PLEKHG4: variants seen among roughly 807,000 people sequenced by gnomAD.
The protein encoded by PLEKHG4 is pleckstrin homology and RhoGEF domain containing G4.
In PLEKHG4, 85 loss-of-function variants were observed where a neutral mutation model predicts 136.9. The ratio of observed to expected loss-of-function variants is 0.62; its 90% CI spans 0.52 to 0.74. The LOEUF (loss-of-function observed/expected upper bound fraction) is 0.74, where lower values mean the gene tolerates loss of function less well. Among genes scored for constraint, PLEKHG4 ranks in the 30% least tolerant of loss-of-function variants. PLEKHG4 has a pLI of 0.00. For synonymous variants in PLEKHG4, 577 were observed against 646.9 expected, an observed-to-expected ratio of 0.89 and a Z score of 1.64; for missense variants, 1,317 against 1,527.8, an observed-to-expected ratio of 0.86 and a Z score of 2.30.
At chr16:67,282,154 C>T in intron 8 of PLEKHG4, 47 bp downstream of exon 8, 3 of 1,613,518 alleles carry the variant, frequency 1.9e-6, no homozygotes, top group Non-Finnish European at 2.5e-6. Flanking sequence ...CTGTCTCCCT[C>T]CTTCTCTCCC....
At chr16:67,279,732 T>C (rs2036123019) in intron 1 of PLEKHG4, 106 bp downstream of exon 1, 1 of 290,678 alleles carries the variant, frequency 3.4e-6, no homozygotes, top group South Asian at 5.6e-5. Flanking sequence ...CGTGGTGCCA[T>C]GGCGGGGCCG....
intron 14 of PLEKHG4, 101 bp downstream of exon 14, chr16:67,285,637 T>C: frequency 7.2e-7 from 1 of 1,396,258 alleles, no homozygotes; most frequent in Non-Finnish European, 1.0e-6. Flanking sequence ...TGAGTATAGC[T>C]ATGAGCAAGA....
rs1420855213 is a variant in PLEKHG4 at position 67,282,116 on chromosome 16, C to T, written c.1104+9C>T. 5.0e-6 allele frequency: 8 copies of T among 1,612,966 alleles called. No homozygotes were observed. The East Asian group carries it at 1.6e-4, about 31-fold the overall frequency. The stretch of plus-strand genomic sequence containing the variant: ...AGCCCATGGAGCCTGGGGTGAGTGT[C>T]CCCTCCCAGTCCCTCCATGAATGCT... On this transcript the variant is annotated intron_variant, in intron 8 of 21. Coordinates refer to ENST00000379344, the MANE Select transcript of PLEKHG4 (RefSeq NM_001129729.3).
Position 67,286,887 on chromosome 16 carries a change from G to A in PLEKHG4, c.2893G>A (p.Val965Ile), listed in dbSNP as rs1037047409. Reference sequence around the variant, plus strand: ...CAAGCCTCGCCATGGGCCCACAGGGGTTGACACATTTGCCTACAAGCGCTC... The same window carrying A: ...CAAGCCTCGCCATGGGCCCACAGGGATTGACACATTTGCCTACAAGCGCTC... The part of the protein sequence containing the change: ...FSKPRHGPTG[V>I]DTFAYKRSFK... Residue 965 changes from valine (V) to isoleucine (I), a missense_variant, in exon 17 of 22, where the codon GTT becomes ATT. Transcript: ENST00000379344. 4 of 1,613,912 alleles carry A rather than the reference G, an allele frequency of 2.5e-6. No individual in the cohort carries two copies. The African/African-American group carries it at 4.0e-5, about 16-fold the overall frequency.
At position 67,289,083 on chromosome 16, in the gene PLEKHG4, G is replaced by T; in HGVS notation, c.*275G>T. The stretch of plus-strand genomic sequence containing the variant: ...CATCCCAGTTGTGGGTTAAGAATAG[G>T]CTAGAGCAGACATTGGGTGTTTCCA... On this transcript the variant is annotated 3_prime_UTR_variant, in exon 22 of 22. Transcript: ENST00000379344. 1.7e-6 allele frequency: 1 copy of T among 581,960 alleles called. No individual in the cohort carries two copies. The highest frequency in any genetic ancestry group is 3.1e-6 in the Non-Finnish European group (1 of 322,260). The allele number at this position is 581,960 out of a possible 1,614,324, so 36.0% of individuals were successfully genotyped here.
chr16:67,288,399 G>A lies in PLEKHG4; in HGVS notation c.3453G>A (p.Leu1151=), dbSNP rs553521262. The change falls in exon 20 of 22, where the codon TTG becomes TTA. Residue 1151 remains leucine, a splice_region_variant and synonymous_variant. Transcript: ENST00000379344. ...CAGAGCTGGGCGGCCAGCCCTCTTT[G>A]AGTATGTCTGGGCCTAGCCAGAGGC... ...AEAELGGQPS[L]TAEDSEISSQ... 1.9e-5 allele frequency: 31 copies of A among 1,612,256 alleles called. No homozygotes were observed. The Admixed American group carries it at 5.0e-4, about 26-fold the overall frequency.
At chr16:67,288,627 C>T in intron 21 of PLEKHG4, 23 bp downstream of exon 21, 1 of 1,613,318 alleles carries the variant, frequency 6.2e-7, no homozygotes, top group Non-Finnish European at 8.5e-7. Context: ...TGCCCTATAC[C>T]CACCAGCCCT....
At position 67,282,352 on chromosome 16, in the gene PLEKHG4, G is replaced by T. The variant is rs371405904; in HGVS notation, c.1253+3G>T. ...GTGACCCTGAGCCCAGACTACAGGT[G>T]AGTGCAAGCCCGGCCCCCAGATCTT... On this transcript the variant is annotated splice_donor_region_variant and intron_variant, in intron 9 of 21. Coordinates refer to ENST00000379344, the MANE Select transcript of PLEKHG4 (RefSeq NM_001129729.3). 1.2e-5 allele frequency: 19 copies of T among 1,611,942 alleles called. No homozygotes were observed. Among genetic ancestry groups the T allele is most frequent in the Non-Finnish European group, 1.5e-5 (18 of 1,179,494 alleles).
Position 67,280,694 on chromosome 16 carries a change from T to A in PLEKHG4, c.500-17T>A. On this transcript the variant is annotated splice_polypyrimidine_tract_variant and intron_variant, in intron 2 of 21. Coordinates refer to ENST00000379344, the MANE Select transcript of PLEKHG4 (RefSeq NM_001129729.3). The surrounding 1 kb of genome is among the most constrained non-coding windows in gnomAD (Gnocchi z 4.4). Reference sequence around the variant, plus strand: ...ATAGGTGGTCCAAGGCAGACCCAAGTCATTTCCCTTCCCAAGCCCCCAGTG... The same window carrying A: ...ATAGGTGGTCCAAGGCAGACCCAAGACATTTCCCTTCCCAAGCCCCCAGTG... 6.2e-7 allele frequency: 1 copy of A among 1,613,990 alleles called. No individual in the cohort carries two copies. The highest frequency in any genetic ancestry group is 8.5e-7 in the Non-Finnish European group (1 of 1,179,994).
In PLEKHG4 at chr16:67,289,001, G is replaced by C. The variant is rs1484499065; in HGVS notation, c.*193G>C. 5.7e-6 allele frequency: 4 copies of C among 698,232 alleles called. No homozygotes were observed. In the East Asian group the frequency reaches 8.1e-5, roughly 14 times the overall value. The allele number at this position is 698,232 out of a possible 1,614,324, so 43.3% of individuals were successfully genotyped here. ...CACGGGGCCTCTCTAGGGAAGTCTG[G>C]TTGTAGAGCCTGAATAGGCTCCTGG... On this transcript the variant is annotated 3_prime_UTR_variant, in exon 22 of 22. Coordinates refer to ENST00000379344, the MANE Select transcript of PLEKHG4 (RefSeq NM_001129729.3).
In PLEKHG4 at chr16:67,284,529, C is replaced by A; in HGVS notation, c.1692+72C>A. 6.4e-7 allele frequency: 1 copy of A among 1,552,628 alleles called. No individual in the cohort carries two copies. Among genetic ancestry groups the A allele is most frequent in the Non-Finnish European group, 8.9e-7 (1 of 1,128,650 alleles). ...GATGGCAGCCCCAGCTTCAGCAGAG[C>A]CTGAGCTTTTCTTGGTCATGCTGCC... On this transcript the variant is annotated intron_variant, in intron 12 of 21. Transcript: ENST00000379344. The surrounding 1 kb of genome is among the most constrained non-coding windows in gnomAD (Gnocchi z 4.4).
intron 14 of PLEKHG4, 62 bp from the exon 15 acceptor site, chr16:67,286,212 G>T (rs745554997): frequency 2.4e-6 from 3 of 1,237,584 alleles, no homozygotes; most frequent in Non-Finnish European, 3.6e-6. Flanking sequence ...GGGTGGTCTA[G>T]CCTGTGCCAG....
rs8045791 is a variant in PLEKHG4 at position 67,286,115 on chromosome 16, A to T, written c.2443-159A>T. On this transcript the variant is annotated intron_variant, in intron 14 of 21. Coordinates refer to ENST00000379344, the MANE Select transcript of PLEKHG4 (RefSeq NM_001129729.3). ...TGCCCAGTACTGTTCTTGCCAAATC[A>T]CCCCTTGTTCAAAGCAGGGAAGACT... Among the ~76,000 whole-genome samples, 4,671 of 151,996 alleles carry T rather than the reference A, an allele frequency of 0.031. 233 individuals are homozygous for T. Among genetic ancestry groups the T allele is most frequent in the African/African-American group, 0.1 (4,327 of 41,458 alleles).
intron 18 of PLEKHG4, 120 bp downstream of exon 18, chr16:67,287,297 C>T (rs2036522412): frequency 1.0e-6 from 1 of 1,004,966 alleles, no homozygotes; most frequent in Non-Finnish European, 1.5e-6. Context: ...GCGACAGCCA[C>T]CAGTGCAGGA....
At chr16:67,281,911 G>A in intron 7 of PLEKHG4, 74 bp downstream of exon 7, 2 of 1,543,148 alleles carry the variant, frequency 1.3e-6, no homozygotes, top group South Asian at 2.2e-5. Context: ...CTCTGGGGCT[G>A]GCTTGAACCA....
chr16:67,286,375 T>C lies in PLEKHG4; in HGVS notation c.2532+12T>C. 5 of 1,611,932 alleles carry C rather than the reference T, an allele frequency of 3.1e-6. No homozygotes were observed. The highest frequency in any genetic ancestry group is 1.7e-4 in the Middle Eastern group (1 of 6,058). Reference sequence around the variant, plus strand: ...ACACCTTCTTCAAGGTAAGTGAACCTGAGATTAGGAGGAGTAGGGGATGCG... The same window carrying C: ...ACACCTTCTTCAAGGTAAGTGAACCCGAGATTAGGAGGAGTAGGGGATGCG... On this transcript the variant is annotated intron_variant, in intron 15 of 21. Coordinates refer to ENST00000379344, the MANE Select transcript of PLEKHG4 (RefSeq NM_001129729.3).
Position 67,284,408 on chromosome 16 carries a change from G to A in PLEKHG4, c.1643G>A (p.Arg548Gln), listed in dbSNP as rs770518109. Residue 548 changes from arginine to glutamine, a missense_variant, in exon 12 of 22, where the codon CGG becomes CAG. Coordinates refer to ENST00000379344, the MANE Select transcript of PLEKHG4 (RefSeq NM_001129729.3). This position sits in a 1 kb window ranked among gnomAD's most constrained non-coding sequence, Gnocchi z 4.4. ...GAATTCTCTAGGGCTTTGGCCCAGC[G>A]GTGCCAGCGGCTGGCGGATGCTGAG... The part of the protein sequence containing the change: ...LTEFSRALAQ[R>Q]CQRLADAERL... The A allele has an allele frequency of 2.9e-5, 46 of 1,613,958 alleles. No individual in the cohort carries two copies. In the South Asian group the frequency reaches 4.2e-4, roughly 15 times the overall value.
chr16:67,287,885 A>G lies in PLEKHG4; in HGVS notation c.3104-13A>G. 6.4e-7 allele frequency: 1 copy of G among 1,572,918 alleles called. No homozygotes were observed. Among genetic ancestry groups the G allele is most frequent in the Non-Finnish European group, 8.8e-7 (1 of 1,142,494 alleles). ...GTCCAGAAGCATCCCACTTATGTCC[A>G]CTCTCCACCCAGAGGTGCGCATGGC... On this transcript the variant is annotated splice_polypyrimidine_tract_variant and intron_variant, in intron 18 of 21. Coordinates refer to ENST00000379344, the MANE Select transcript of PLEKHG4 (RefSeq NM_001129729.3).
rs201698465 is a variant in PLEKHG4 at position 67,284,848 on chromosome 16, T to C, written c.1828T>C (p.Trp610Arg). The C allele has an allele frequency of 2.2e-5, 35 of 1,613,188 alleles. No individual in the cohort carries two copies. The East Asian group carries it at 7.8e-4, about 36-fold the overall frequency. The stretch of plus-strand genomic sequence containing the variant: ...GCCTCCTGCCCACTTCCGAAAGATG[T>C]GGGCTCTGGCCACGGGGCTGGGCTC... ...DLPPAHFRKM[W>R]ALATGLGSEA... Residue 610 changes from tryptophan to arginine, a missense_variant, in exon 13 of 22, where the codon TGG (tryptophan) becomes CGG (arginine). Transcript: ENST00000379344. The surrounding 1 kb of genome is among the most constrained non-coding windows in gnomAD (Gnocchi z 4.4).
Sources: gnomAD v4.1 joint callset for allele counts (sites outside exome capture counted in the v4.1 genomes callset) on GRCh38, gnomAD v4.1.1 for gene constraint, Gnocchi (gnomAD v3.1) non-coding constraint, MANE v1.5 for transcripts, NCBI Gene and HGNC (gene_info 2026-07-23, HGNC 2026-07-21) for gene names.